GPATCH2: variants seen among roughly 807,000 people sequenced by gnomAD.
GPATCH2 encodes the protein G-patch domain containing 2.
In GPATCH2, 51 loss-of-function variants were observed where a neutral mutation model predicts 58.0. The observed-to-expected ratio is 0.88, with a 90% confidence interval of 0.70 to 1.11. The LOEUF is 1.11. Among genes scored for constraint, GPATCH2 ranks in the 50% most tolerant of loss-of-function variants. The probability of loss-of-function intolerance (pLI) is 0.00; values close to 1 mark genes in which losing one functional copy is unlikely to be tolerated. For missense variants in GPATCH2, 625 were observed against 652.2 expected, an observed-to-expected ratio of 0.96 and a Z score of 0.45; for synonymous variants, 222 against 218.5, an observed-to-expected ratio of 1.02 and a Z score of -0.14.
At chr1:217,586,138 TATAA>T (rs1667330428) in intron 5 of GPATCH2, among the ~76,000 whole-genome samples, 1 of 152,308 alleles carries the variant, frequency 6.6e-6, no homozygotes, top group Admixed American at 6.5e-5. Context: ...ATGTAGACTT[TATAA>T]ATATTGTACA....
At position 217,620,514 on chromosome 1, in the gene GPATCH2, GA is replaced by G. The variant is rs750763250; in HGVS notation, c.57-16del. 6.7e-7 allele frequency: 1 copy of G among 1,497,998 alleles called. No homozygotes were observed. Among genetic ancestry groups the G allele is most frequent in the South Asian group, 1.2e-5 (1 of 83,370 alleles). The allele number at this position is 1,497,998 out of a possible 1,614,324, so 92.8% of individuals were successfully genotyped here. The stretch of plus-strand genomic sequence containing the variant: ...TACTGAAATGCCTTCATTTTTTAGA[GA>G]AAGAAAAAAGAAAATAGTCAGTCTT... On this transcript the variant is annotated splice_polypyrimidine_tract_variant and intron_variant, in intron 1 of 9. Transcript: ENST00000366935.
intron 6 of GPATCH2, among the ~76,000 whole-genome samples, chr1:217,514,158 T>TC (rs1663005199): frequency 6.8e-6 from 1 of 147,686 alleles, no homozygotes. Context: ...AGTCTTTTAC[T>TC]CCTTTTTTTT....
intron 5 of GPATCH2, among the ~76,000 whole-genome samples, chr1:217,566,063 T>G (rs1443038684): frequency 7.6e-6 from 1 of 132,264 alleles, no homozygotes; most frequent in Non-Finnish European, 1.5e-5. Context: ...ATCATGCCAT[T>G]GCACTCCAGC....
intron 9 of GPATCH2, among the ~76,000 whole-genome samples, chr1:217,438,180 G>A (rs1658937773): frequency 6.6e-6 from 1 of 152,098 alleles, no homozygotes; most frequent in Admixed American, 6.6e-5. Context: ...GAAAGGAATA[G>A]CATCAACATC....
intron 5 of GPATCH2, among the ~76,000 whole-genome samples, chr1:217,533,182 T>G (rs957175117): frequency 6.6e-6 from 1 of 152,026 alleles, no homozygotes; most frequent in Admixed American, 6.6e-5. Flanking sequence ...GTGCTGGAAT[T>G]ACAGGCATAA....
At chr1:217,626,186 T>C (rs1001960876) in intron 1 of GPATCH2, among the ~76,000 whole-genome samples, 1 of 152,208 alleles carries the variant, frequency 6.6e-6, no homozygotes, top group African/African-American at 2.4e-5. Flanking sequence ...TGGTGTTAAG[T>C]ACATCTGCTT....
intron 6 of GPATCH2, 65 bp from the exon 7 acceptor site, chr1:217,498,460 G>A (rs1016517607): frequency 1.6e-5 from 19 of 1,176,230 alleles, no homozygotes; most frequent in Admixed American, 1.2e-4. Context: ...TCACATGATC[G>A]AGCCGCATGT....
intron 1 of GPATCH2, among the ~76,000 whole-genome samples, chr1:217,621,993 A>G (rs943567774): frequency 6.6e-6 from 1 of 152,202 alleles, no homozygotes; most frequent in African/African-American, 2.4e-5. Context: ...TGATGCGTCT[A>G]AGTAGTGGAG....
rs1419527735 is a variant in GPATCH2 at position 217,610,502 on chromosome 1, G to A, written c.1019-102C>T. 7 of 721,162 alleles carry A rather than the reference G, an allele frequency of 9.7e-6. No individual in the cohort carries two copies. In the African/African-American group the frequency reaches 1.2e-4, roughly 13 times the overall value. The allele number at this position is 721,162 out of a possible 1,614,324, so 44.7% of individuals were successfully genotyped here. On this transcript the variant is annotated intron_variant, in intron 4 of 9. Coordinates refer to ENST00000366935, the MANE Select transcript of GPATCH2 (RefSeq NM_018040.5). ...AGAGAAAGAAAAGTAAGTTGGTGGT[G>A]GCGGTGAATGCCACGAATATTATTT...
intron 6 of GPATCH2, among the ~76,000 whole-genome samples, chr1:217,510,760 G>A (rs1455201186): frequency 6.6e-6 from 1 of 151,910 alleles, no homozygotes; most frequent in African/African-American, 2.4e-5. Context: ...TGACTTCTAG[G>A]TTAAGAAATA....
chr1:217,597,049 C>T (rs1277788906), intron 5 of GPATCH2, among the ~76,000 whole-genome samples: 2 of 151,990 alleles, frequency 1.3e-5, no homozygotes, highest in Non-Finnish European at 1.5e-5. Context: ...TGTCAACAGG[C>T]CAGGTGTGGT....
intron 8 of GPATCH2, among the ~76,000 whole-genome samples, chr1:217,452,613 C>A (rs903440668): frequency 6.6e-6 from 1 of 152,042 alleles, no homozygotes; most frequent in Non-Finnish European, 1.5e-5. Context: ...ATTATGTAGG[C>A]CTATTTACAA....
chr1:217,567,646 CTA>C (rs1351737182), intron 5 of GPATCH2, among the ~76,000 whole-genome samples: 2 of 152,182 alleles, frequency 1.3e-5, no homozygotes, highest in Non-Finnish European at 2.9e-5. Context: ...TAAGAGTTAT[CTA>C]GACACCGTTC....
chr1:217,614,117 G>C (rs1477005461), intron 3 of GPATCH2, 24 bp downstream of exon 3: 1 of 1,400,570 alleles, frequency 7.1e-7, no homozygotes, highest in Admixed American at 1.7e-5. Context: ...TTTCCAAAGA[G>C]AGAAAAAAAT....
intron 5 of GPATCH2, 44 bp from the exon 6 acceptor site, chr1:217,514,933 T>C (rs1241021762): frequency 1.1e-6 from 1 of 908,380 alleles, no homozygotes; most frequent in Admixed American, 1.9e-5. Flanking sequence ...CAGATTTGTT[T>C]ATAAAACGAC....
intron 8 of GPATCH2, among the ~76,000 whole-genome samples, chr1:217,479,387 G>A (rs1311580935): frequency 6.6e-6 from 1 of 152,156 alleles, no homozygotes; most frequent in African/African-American, 2.4e-5. Flanking sequence ...GAATGAGGTT[G>A]AGGCATAGTT....
chr1:217,569,626 T>C (rs570880300), intron 5 of GPATCH2, among the ~76,000 whole-genome samples: 210 of 152,140 alleles, frequency 1.4e-3, no homozygotes, highest in Non-Finnish European at 2.4e-3. Flanking sequence ...ACCTGGGAGA[T>C]GGAGGTTGCA....
chr1:217,622,972 A>G (rs111690311), intron 1 of GPATCH2, among the ~76,000 whole-genome samples: 22 of 152,324 alleles, frequency 1.4e-4, no homozygotes, highest in African/African-American at 4.6e-4. Context: ...TCTTTTTTCT[A>G]TTATCTATGT....
rs1191249025 is a variant in GPATCH2, at chr1:217,429,243, T to C, written c.*1902A>G. ...AAATATCAGTTAAAAAAATGGCAAA[T>C]TTGTAAGTAAAAAACTTGTAGAAAG... On this transcript the variant is annotated 3_prime_UTR_variant, in exon 10 of 10. Transcript: ENST00000366935. 6.6e-6 allele frequency: 1 copy of C among 152,066 alleles called. No homozygotes were observed. Among genetic ancestry groups the C allele is most frequent in the Non-Finnish European group, 1.5e-5 (1 of 68,024 alleles). 9.4% of individuals were successfully genotyped at this position (152,066 alleles called of 1,614,324 possible). A position where few individuals can be genotyped will look rare whatever the true frequency, so the allele number is the denominator to read the frequency against.
Sources: gnomAD v4.1 joint callset for allele counts (sites outside exome capture counted in the v4.1 genomes callset) on GRCh38, gnomAD v4.1.1 for gene constraint, MANE v1.5 for transcripts, NCBI Gene and HGNC (gene_info 2026-07-23, HGNC 2026-07-21) for gene names.